The following USP3 variants were observed in gnomAD, a reference collection of about 807,000 sequenced individuals.
USP3 encodes the protein ubiquitin carboxyl-terminal hydrolase 3.
Under a neutral mutation model 72.3 loss-of-function variants are expected in USP3, and 20 were observed. The ratio of observed to expected loss-of-function variants is 0.28; its 90% CI spans 0.19 to 0.40. The LOEUF (loss-of-function observed/expected upper bound fraction) is 0.40, where lower values mean the gene tolerates loss of function less well. Among genes scored for constraint, USP3 ranks in the 10% least tolerant of loss-of-function variants. The probability of loss-of-function intolerance (pLI) is 1.00; values close to 1 mark genes in which losing one functional copy is unlikely to be tolerated. For missense variants in USP3, 479 were observed against 633.9 expected (o/e 0.76, Z 2.62); for synonymous variants, 222 against 225.3 (o/e 0.99, Z 0.13).
chr15:63,541,413 T>A (rs185113823), intron 3 of USP3, among the ~76,000 whole-genome samples: 317 of 152,308 alleles, frequency 2.1e-3, no homozygotes, highest in African/African-American at 7.3e-3. Context: ...GATGTTCTTA[T>A]AAACGATTTG....
intron 11 of USP3, among the ~76,000 whole-genome samples, chr15:63,576,904 G>A (rs2066873647): frequency 6.6e-6 from 1 of 151,794 alleles, no homozygotes. Context: ...TCAGTTGACT[G>A]ATACACCTTT....
At chr15:63,524,591 T>G (rs1008812055) in intron 1 of USP3, among the ~76,000 whole-genome samples, 1 of 152,146 alleles carries the variant, frequency 6.6e-6, no homozygotes, top group African/African-American at 2.4e-5. Flanking sequence ...GAAGACACTT[T>G]GGAGGAGGAT....
At chr15:63,563,038 A>T in intron 8 of USP3, 30 bp downstream of exon 8, 2 of 1,474,018 alleles carry the variant, frequency 1.4e-6, no homozygotes, top group Non-Finnish European at 1.9e-6. Context: ...ATTTTTAAAC[A>T]TTAATATTAG....
intron 8 of USP3, among the ~76,000 whole-genome samples, chr15:63,563,588 A>G (rs1222652603): frequency 6.6e-6 from 1 of 152,192 alleles, no homozygotes; most frequent in African/African-American, 2.4e-5. Flanking sequence ...TGTCAGAGGA[A>G]TCCTGCCTTT....
rs1258274110 is a variant in USP3, at chr15:63,529,817, A to C, written c.92-2830A>C. ...GGACAAAAATCCTCCATAATTAAAA[A>C]AATATCCTGGGTAGTTAAAAACTTG... On this transcript the variant is annotated intron_variant, in intron 1 of 14. Coordinates refer to ENST00000380324, the MANE Select transcript of USP3 (RefSeq NM_006537.4). The surrounding 1 kb of genome is among the most constrained non-coding windows in gnomAD (Gnocchi z 4.2). Among the ~76,000 whole-genome samples, 2 of 152,226 alleles carry C rather than the reference A, an allele frequency of 1.3e-5. No homozygotes were observed. The highest frequency in any genetic ancestry group is 4.1e-4 in the South Asian group (2 of 4,834).
chr15:63,512,933 A>G (rs943773318), intron 1 of USP3, among the ~76,000 whole-genome samples: 1 of 152,274 alleles, frequency 6.6e-6, no homozygotes, highest in African/African-American at 2.4e-5. Flanking sequence ...CAATTAATAA[A>G]TACTAGCTAA....
intron 9 of USP3, among the ~76,000 whole-genome samples, chr15:63,573,146 G>A (rs2066806556): frequency 6.6e-6 from 1 of 152,190 alleles, no homozygotes; most frequent in Admixed American, 6.5e-5. Context: ...ACCTGTTTAA[G>A]ATACACACTT....
chr15:63,555,113 C>A (rs143401560), intron 4 of USP3, among the ~76,000 whole-genome samples: 8 of 152,282 alleles, frequency 5.3e-5, no homozygotes, highest in Admixed American at 2.0e-4. Context: ...GTTAAAAAAT[C>A]TTTTCTTTCC....
At chr15:63,517,014 C>G (rs531683441) in intron 1 of USP3, among the ~76,000 whole-genome samples, 1 of 149,074 alleles carries the variant, frequency 6.7e-6, no homozygotes, top group Admixed American at 6.7e-5. Flanking sequence ...CCTTTTGGTT[C>G]TAGTTTCTGG....
At chr15:63,584,734 T>C (rs2067026852) in intron 11 of USP3, among the ~76,000 whole-genome samples, 1 of 152,222 alleles carries the variant, frequency 6.6e-6, no homozygotes, top group Non-Finnish European at 1.5e-5. Flanking sequence ...CTCTTTATAG[T>C]ATCCCTCAAT....
At chr15:63,545,143 TATTA>T (rs540989977) in intron 3 of USP3, among the ~76,000 whole-genome samples, 3 of 152,214 alleles carry the variant, frequency 2.0e-5, no homozygotes, top group Non-Finnish European at 4.4e-5. Flanking sequence ...TTTTGTTGTT[TATTA>T]GTGTCAACAG....
intron 11 of USP3, among the ~76,000 whole-genome samples, chr15:63,585,481 A>G (rs2067040186): frequency 6.6e-6 from 1 of 152,174 alleles, no homozygotes; most frequent in Non-Finnish European, 1.5e-5. Flanking sequence ...AAATGGAATT[A>G]TGTTAATTTC....
At chr15:63,519,860 CG>C (rs975647606) in intron 1 of USP3, among the ~76,000 whole-genome samples, 2 of 151,314 alleles carry the variant, frequency 1.3e-5, no homozygotes, top group African/African-American at 4.9e-5. Flanking sequence ...AATAAGCACT[CG>C]GTTTTTTTTT....
intron 3 of USP3, among the ~76,000 whole-genome samples, chr15:63,543,445 G>A (rs1485638870): frequency 6.6e-6 from 1 of 152,068 alleles, no homozygotes; most frequent in Non-Finnish European, 1.5e-5. Context: ...CTTTTTATTT[G>A]GGAGGAGAAA....
At chr15:63,519,976 G>A (rs1446664571) in intron 1 of USP3, among the ~76,000 whole-genome samples, 1 of 152,058 alleles carries the variant, frequency 6.6e-6, no homozygotes, top group African/African-American at 2.4e-5. Context: ...GTCATTCTTT[G>A]AGCCCTTTTT....
At chr15:63,510,453 A>C (rs1025781095) in intron 1 of USP3, among the ~76,000 whole-genome samples, 1 of 152,156 alleles carries the variant, frequency 6.6e-6, no homozygotes, top group Non-Finnish European at 1.5e-5. Flanking sequence ...ACCTACATAC[A>C]TACAGGTTTG....
Position 63,588,640 on chromosome 15 carries a change from C to T in USP3, c.1216-62C>T. The stretch of plus-strand genomic sequence containing the variant: ...TTATTTACTGAACTGATAGTAGTAT[C>T]AAACTTTGACTGAAAGGTAAATTAG... On this transcript the variant is annotated intron_variant, in intron 12 of 14. Coordinates refer to ENST00000380324, the MANE Select transcript of USP3 (RefSeq NM_006537.4). This position sits in a 1 kb window ranked among gnomAD's most constrained non-coding sequence, Gnocchi z 4.6. The T allele has an allele frequency of 3.1e-6, 4 of 1,292,052 alleles. No individual in the cohort carries two copies. The highest frequency in any genetic ancestry group is 4.4e-6 in the Non-Finnish European group (4 of 902,102). 80.0% of individuals were successfully genotyped at this position (1,292,052 alleles called of 1,614,324 possible). A position where few individuals can be genotyped will look rare whatever the true frequency, so the allele number is the denominator to read the frequency against.
rs1385664821 is a variant in USP3, at chr15:63,562,858, C to G, written c.648-37C>G. On this transcript the variant is annotated intron_variant, in intron 7 of 14. Transcript: ENST00000380324. ...ACGCTGTGTTGAAATTGTAGCCTCT[C>G]ACTAATCTGAGGGCACTGTCCTTTC... The G allele has an allele frequency of 2.1e-6, 3 of 1,401,726 alleles. No individual in the cohort carries two copies. In the African/African-American group the frequency reaches 4.3e-5, roughly 20 times the overall value. 86.8% of individuals were successfully genotyped at this position (1,401,726 alleles called of 1,614,324 possible).
In USP3 at chr15:63,547,862, GGCAT is replaced by G. The variant is rs1184233597; in HGVS notation, c.285-5852_285-5849del. The stretch of plus-strand genomic sequence containing the variant: ...GGAGGGAGGGAGAGAGAGAGAGAGA[GGCAT>G]AGAGAGAGAGAGAGAGAGAGAGAGA... On this transcript the variant is annotated intron_variant, in intron 3 of 14. Coordinates refer to ENST00000380324, the MANE Select transcript of USP3 (RefSeq NM_006537.4). Among the ~76,000 whole-genome samples, 277 of 32,902 alleles carry G rather than the reference GGCAT, an allele frequency of 8.4e-3. 21 individuals carry two copies. Among genetic ancestry groups the G allele is most frequent in the African/African-American group, 0.032 (265 of 8,242 alleles). 21.6% of individuals were successfully genotyped at this position (32,902 alleles called of 152,430 possible).
Sources: allele counts gnomAD v4.1 joint callset (sites outside exome capture counted in the v4.1 genomes callset), GRCh38; gene constraint gnomAD v4.1.1; non-coding constraint Gnocchi (gnomAD v3.1); transcripts MANE v1.5; gene names NCBI Gene and HGNC (gene_info 2026-07-23, HGNC 2026-07-21).